GRAMD4: variants seen among roughly 807,000 people sequenced by gnomAD.
The protein encoded by GRAMD4 is GRAM domain-containing protein 4.
A neutral mutation model predicts 83.9 loss-of-function variants in GRAMD4; 25 were observed. The observed-to-expected ratio is 0.30, with a 90% CI of 0.22 to 0.42. The LOEUF (loss-of-function observed/expected upper bound fraction) is 0.42, where lower values mean the gene tolerates loss of function less well. Among genes scored for constraint, GRAMD4 ranks in the 10% least tolerant of loss-of-function variants. GRAMD4 has a pLI of 1.00. For missense variants in GRAMD4, 593 were observed against 788.7 expected, an observed-to-expected ratio of 0.75 and a Z score of 2.97; for synonymous variants, 336 against 320.9, an observed-to-expected ratio of 1.05 and a Z score of -0.50.
chr22:46,579,472 A>G (rs572827836), intron 1 of GRAMD4, among the ~76,000 whole-genome samples: 2 of 152,250 alleles, frequency 1.3e-5, no homozygotes, highest in African/African-American at 4.8e-5. Flanking sequence ...CTCTGCTGCC[A>G]GGGAGGGCTG....
chr22:46,668,523 G>A (rs1024944549), intron 11 of GRAMD4, among the ~76,000 whole-genome samples, 166 bp from the exon 12 acceptor site: 2 of 152,130 alleles, frequency 1.3e-5, no homozygotes, highest in Non-Finnish European at 2.9e-5. Flanking sequence ...GGCCACCTCT[G>A]CCCTAGACCA....
intron 1 of GRAMD4, among the ~76,000 whole-genome samples, chr22:46,597,265 G>A (rs1184223177): frequency 6.6e-6 from 1 of 152,184 alleles, no homozygotes; most frequent in Non-Finnish European, 1.5e-5. Context: ...AAGCAAGGCT[G>A]TTTTAAAGAG....
chr22:46,652,570 C>G (rs1381024171), intron 3 of GRAMD4, among the ~76,000 whole-genome samples: 2 of 152,224 alleles, frequency 1.3e-5, no homozygotes, highest in African/African-American at 2.4e-5. Flanking sequence ...CTCCCACCCC[C>G]ACCCTGCAGG....
chr22:46,587,325 A>AC (rs1477686884), intron 1 of GRAMD4, among the ~76,000 whole-genome samples: 2 of 152,006 alleles, frequency 1.3e-5, no homozygotes, highest in Non-Finnish European at 2.9e-5. Context: ...CACATTCTCC[A>AC]CCCAAGAAGT....
intron 3 of GRAMD4, among the ~76,000 whole-genome samples, chr22:46,648,951 G>C (rs113273748): frequency 1.0e-3 from 88 of 86,832 alleles, no homozygotes; most frequent in Admixed American, 1.6e-3. Context: ...TGGATGGATG[G>C]ATGGATGGAT....
chr22:46,593,637 C>T (rs528532060), intron 1 of GRAMD4, among the ~76,000 whole-genome samples: 5 of 152,276 alleles, frequency 3.3e-5, no homozygotes, highest in South Asian at 4.2e-4. Flanking sequence ...TTTGGGCTTC[C>T]GGGGCATAGA....
intron 1 of GRAMD4, among the ~76,000 whole-genome samples, chr22:46,609,935 G>C (rs1207098882): frequency 6.6e-6 from 1 of 152,242 alleles, no homozygotes; most frequent in Non-Finnish European, 1.5e-5. Flanking sequence ...GCTGTTCTGA[G>C]TCGGTTCGCC....
intron 2 of GRAMD4, among the ~76,000 whole-genome samples, chr22:46,628,152 C>A (rs1401302989): frequency 1.3e-5 from 2 of 152,214 alleles, no homozygotes; most frequent in Non-Finnish European, 2.9e-5. Flanking sequence ...TCCCTCCCGA[C>A]ACATACATGG....
chr22:46,668,532 C>T (rs1235340548), intron 11 of GRAMD4, among the ~76,000 whole-genome samples, 157 bp from the exon 12 acceptor site: 2 of 152,180 alleles, frequency 1.3e-5, no homozygotes, highest in Admixed American at 1.3e-4. Context: ...TGCCCTAGAC[C>T]AGAGCTGGGC....
At chr22:46,579,594 G>A (rs1353347330) in intron 1 of GRAMD4, among the ~76,000 whole-genome samples, 1 of 152,172 alleles carries the variant, frequency 6.6e-6, no homozygotes, top group East Asian at 1.9e-4. Context: ...TGTTATGGGA[G>A]AACCTGGGGC....
intron 1 of GRAMD4, chr22:46,587,902 G>A (rs2081166841): frequency 5.1e-6 from 5 of 985,336 alleles, no homozygotes; most frequent in Non-Finnish European, 6.0e-6. Flanking sequence ...ATGGTACAGG[G>A]CTCCTGATCC....
intron 2 of GRAMD4, among the ~76,000 whole-genome samples, chr22:46,633,003 G>A (rs2081799019): frequency 6.6e-6 from 1 of 152,168 alleles, no homozygotes; most frequent in Non-Finnish European, 1.5e-5. Flanking sequence ...GGATGGGGAT[G>A]TGGAGGGAAG....
At chr22:46,610,806 A>G (rs1046548616) in intron 1 of GRAMD4, among the ~76,000 whole-genome samples, 2 of 152,214 alleles carry the variant, frequency 1.3e-5, no homozygotes, top group Non-Finnish European at 2.9e-5. Flanking sequence ...CTAGAAACGC[A>G]TCCCTCCGTG....
chr22:46,615,564 CGT>C (rs1162324096), upstream of GRAMD4, among the ~76,000 whole-genome samples: 3 of 83,104 alleles, frequency 3.6e-5, no homozygotes, highest in Admixed American at 1.4e-4. Context: ...TTCCCCTGTG[CGT>C]GTAGGTTCCC....
intron 3 of GRAMD4, among the ~76,000 whole-genome samples, chr22:46,644,543 CTG>C (rs910706647): frequency 1.4e-4 from 21 of 152,114 alleles, no homozygotes; most frequent in Non-Finnish European, 3.1e-4. Flanking sequence ...TGTCCCTGTT[CTG>C]TGTTACACCT....
intron 6 of GRAMD4, 70 bp from the exon 7 acceptor site, chr22:46,663,768 C>T (rs999827672): frequency 1.3e-5 from 20 of 1,484,314 alleles, no homozygotes; most frequent in African/African-American, 6.9e-5. Flanking sequence ...CCAACGGAAC[C>T]GGGCAGTGGG....
Position 46,624,368 on chromosome 22 carries a change from G to T in GRAMD4, c.-49-2383G>T, listed in dbSNP as rs567506213. On this transcript the variant is annotated intron_variant, in intron 1 of 18. Transcript: ENST00000406902. ...TTTTTTTCTGAGACGGAGTCTCACTGCCCAGGCTGGAGTGCAATAGTGTGA... is the reference window on the plus strand; with the variant it reads ...TTTTTTTCTGAGACGGAGTCTCACTTCCCAGGCTGGAGTGCAATAGTGTGA... Among the ~76,000 whole-genome samples, 148 of 112,980 alleles carry T rather than the reference G, an allele frequency of 1.3e-3. 1 individual carries two copies. The highest frequency in any genetic ancestry group is 5.2e-3 in the South Asian group (17 of 3,276). 74.1% of individuals were successfully genotyped at this position (112,980 alleles called of 152,430 possible).
intron 1 of GRAMD4, among the ~76,000 whole-genome samples, chr22:46,602,877 G>A (rs1030986172): frequency 1.3e-5 from 2 of 150,256 alleles, no homozygotes; most frequent in African/African-American, 4.9e-5. Context: ...TGAGTAGCTG[G>A]GCCTACAGGC....
At chr22:46,624,883 CAG>C (rs2081631257) in intron 1 of GRAMD4, among the ~76,000 whole-genome samples, 1 of 134,742 alleles carries the variant, frequency 7.4e-6, no homozygotes, top group African/African-American at 2.9e-5. Flanking sequence ...TTTTTTGAGA[CAG>C]AGTCTCGCTC....
Sources: gnomAD v4.1 joint callset for allele counts (sites outside exome capture counted in the v4.1 genomes callset) on GRCh38, gnomAD v4.1.1 for gene constraint, MANE v1.5 for transcripts, NCBI Gene and HGNC (gene_info 2026-07-23, HGNC 2026-07-21) for gene names.